The following SKA2 variants were observed in gnomAD, a reference collection of about 807,000 sequenced individuals.
SKA2 encodes spindle and kinetochore associated complex subunit 2, also known as spindle and kinetochore-associated protein 2.
In SKA2, 13 loss-of-function variants were observed where a neutral mutation model predicts 16.9. The ratio of observed to expected loss-of-function variants is 0.77; its 90% CI spans 0.50 to 1.22. SKA2 has a LOEUF of 1.22. Among genes scored for constraint, SKA2 ranks in the 50% most tolerant of loss-of-function variants. SKA2 has a pLI of 0.00. For missense variants in SKA2, 107 were observed against 139.7 expected (o/e 0.77, Z 1.18); for synonymous variants, 47 against 48.5 (o/e 0.97, Z 0.13).
intron 3 of SKA2, among the ~76,000 whole-genome samples, chr17:59,118,939 T>G (rs1767834117): frequency 6.6e-6 from 1 of 152,200 alleles, no homozygotes; most frequent in African/African-American, 2.4e-5. Context: ...CCCATGCTCG[T>G]GGCAGACTAC....
At chr17:59,136,652 G>A (rs1247723289) in intron 1 of SKA2, among the ~76,000 whole-genome samples, 1 of 151,880 alleles carries the variant, frequency 6.6e-6, no homozygotes, top group Non-Finnish European at 1.5e-5. Flanking sequence ...GGGTTCAAGC[G>A]ATTCTCCTGC....
At chr17:59,117,274 T>C (rs1035615572) in intron 3 of SKA2, among the ~76,000 whole-genome samples, 1 of 152,234 alleles carries the variant, frequency 6.6e-6, no homozygotes, top group Non-Finnish European at 1.5e-5. Context: ...CACATTTGGA[T>C]CATAAAAATT....
intron 1 of SKA2, among the ~76,000 whole-genome samples, chr17:59,150,605 G>A (rs1484375879): frequency 6.6e-6 from 1 of 152,110 alleles, no homozygotes; most frequent in Admixed American, 6.5e-5. Context: ...AGCCAGGCAT[G>A]GTAGGACACG....
intron 1 of SKA2, among the ~76,000 whole-genome samples, chr17:59,135,146 A>G (rs1658666858): frequency 6.6e-6 from 1 of 151,300 alleles, no homozygotes; most frequent in African/African-American, 2.4e-5. Flanking sequence ...TTTTTAAGAG[A>G]GAGGTTTCCA....
chr17:59,140,348 C>G (rs2046478515), intron 1 of SKA2, among the ~76,000 whole-genome samples: 2 of 152,220 alleles, frequency 1.3e-5, no homozygotes, highest in African/African-American at 4.8e-5. Context: ...CCTGCCTCAG[C>G]CTCCCGAGTA....
chr17:59,144,392 C>T (rs2046516132), intron 1 of SKA2, among the ~76,000 whole-genome samples: 1 of 152,126 alleles, frequency 6.6e-6, no homozygotes, highest in Non-Finnish European at 1.5e-5. Context: ...CCATATTATC[C>T]ACCAATTCCA....
chr17:59,113,971 G>T (rs1286227245), intron 3 of SKA2, among the ~76,000 whole-genome samples: 1 of 152,136 alleles, frequency 6.6e-6, no homozygotes, highest in East Asian at 1.9e-4. Context: ...ATCCTGGATA[G>T]TGCCTTTACC....
intron 2 of SKA2, among the ~76,000 whole-genome samples, chr17:59,121,067 G>A (rs1354595733): frequency 2.7e-5 from 4 of 150,324 alleles, no homozygotes; most frequent in Admixed American, 1.3e-4. Context: ...CAGGAGAATC[G>A]CTTGAACCCG....
At chr17:59,126,844 C>G (rs988988085) in intron 2 of SKA2, among the ~76,000 whole-genome samples, 2 of 152,036 alleles carry the variant, frequency 1.3e-5, no homozygotes, top group South Asian at 4.2e-4. Flanking sequence ...TTCACAGTAG[C>G]CAAAAGGTGA....
chr17:59,146,098 T>C (rs541508191), intron 1 of SKA2, among the ~76,000 whole-genome samples: 1 of 152,320 alleles, frequency 6.6e-6, no homozygotes, highest in African/African-American at 2.4e-5. Flanking sequence ...CTACAGCTCT[T>C]ACATTTACTA....
intron 1 of SKA2, chr17:59,154,901 A>T: frequency 6.3e-7 from 1 of 1,589,164 alleles, no homozygotes; most frequent in Non-Finnish European, 8.6e-7. Flanking sequence ...AAGGCCCCGC[A>T]CCCTCAGCAT....
At chr17:59,149,095 G>C (rs1337814033) in intron 1 of SKA2, among the ~76,000 whole-genome samples, 1 of 152,102 alleles carries the variant, frequency 6.6e-6, no homozygotes, top group Admixed American at 6.6e-5. Context: ...CAGCCACTTT[G>C]AAAAATATTT....
chr17:59,147,829 CAAA>C (rs536221750), intron 1 of SKA2, among the ~76,000 whole-genome samples: 5 of 105,158 alleles, frequency 4.8e-5, no homozygotes. Context: ...TTGTTTTAAG[CAAA>C]AAAAAAAAAA....
chr17:59,121,537 C>T (rs1223582965), intron 2 of SKA2, among the ~76,000 whole-genome samples: 2 of 150,580 alleles, frequency 1.3e-5, no homozygotes, highest in African/African-American at 2.5e-5. Context: ...CGCCTGTAGT[C>T]CTTGCCTCAG....
chr17:59,117,131 C>T (rs1349783910), intron 3 of SKA2, among the ~76,000 whole-genome samples: 1 of 151,922 alleles, frequency 6.6e-6, no homozygotes, highest in Non-Finnish European at 1.5e-5. Flanking sequence ...GCTTTCCTAA[C>T]TAATTTCACA....
chr17:59,145,648 G>C (rs1162643642), intron 1 of SKA2, among the ~76,000 whole-genome samples: 1 of 151,956 alleles, frequency 6.6e-6, no homozygotes, highest in Non-Finnish European at 1.5e-5. Context: ...GTGTCTCCCA[G>C]ATAAGTTTCT....
intron 1 of SKA2, among the ~76,000 whole-genome samples, chr17:59,140,127 A>G (rs2147813691): frequency 6.6e-6 from 1 of 152,346 alleles, no homozygotes; most frequent in Admixed American, 6.5e-5. Context: ...ATAAGCAGTA[A>G]CATGCCCTAA....
intron 2 of SKA2, among the ~76,000 whole-genome samples, chr17:59,122,497 G>C (rs2046342076): frequency 6.6e-6 from 1 of 152,112 alleles, no homozygotes; most frequent in Admixed American, 6.5e-5. Flanking sequence ...TGTAGTCCCA[G>C]CTACTCAGGA....
At chr17:59,118,675 T>C (rs2046312709) in intron 3 of SKA2, among the ~76,000 whole-genome samples, 1 of 152,216 alleles carries the variant, frequency 6.6e-6, no homozygotes, top group Non-Finnish European at 1.5e-5. Context: ...CCCTGTTCAA[T>C]TGCCCTTCCT....
Sources: gnomAD v4.1 joint callset for allele counts (sites outside exome capture counted in the v4.1 genomes callset) on GRCh38, gnomAD v4.1.1 for gene constraint, MANE v1.5 for transcripts, NCBI Gene and HGNC (gene_info 2026-07-23, HGNC 2026-07-21) for gene names.